AUH: variants seen among roughly 807,000 people sequenced by gnomAD.
The protein encoded by AUH is AU RNA binding methylglutaconyl-CoA hydratase.
A neutral mutation model predicts 42.3 loss-of-function variants in AUH; 29 were observed. The observed-to-expected ratio is 0.69, with a 90% CI of 0.51 to 0.93. The LOEUF (loss-of-function observed/expected upper bound fraction) is 0.93. Ranked by LOEUF, AUH falls within the 40% of genes least tolerant of loss-of-function variation. AUH has a pLI of 0.00. For synonymous variants in AUH, 174 were observed against 166.4 expected, an observed-to-expected ratio of 1.05 and a Z score of -0.35; for missense variants, 452 against 438.1, an observed-to-expected ratio of 1.03 and a Z score of -0.28.
intron 1 of AUH, among the ~76,000 whole-genome samples, 153 bp downstream of exon 1, chr9:91,361,475 G>A (rs1587942417): frequency 6.6e-6 from 1 of 152,192 alleles, no homozygotes; most frequent in South Asian, 2.1e-4. Flanking sequence ...GCCACGCTGG[G>A]TGAGTAGGGA....
intron 6 of AUH, among the ~76,000 whole-genome samples, chr9:91,286,608 C>T (rs909710070): frequency 4.0e-5 from 6 of 151,626 alleles, no homozygotes; most frequent in Non-Finnish European, 8.8e-5. Context: ...ATGAAACATG[C>T]AGCATTGACA....
At chr9:91,267,862 TTTCCATA>T (rs758542918) in intron 6 of AUH, among the ~76,000 whole-genome samples, 7 of 152,164 alleles carry the variant, frequency 4.6e-5, no homozygotes, top group Admixed American at 6.5e-5. Flanking sequence ...ACTACCACCT[TTTCCATA>T]TGAGTTGTTG....
chr9:91,306,224 C>G (rs1828210312), intron 4 of AUH: 1 of 406,864 alleles, frequency 2.5e-6, no homozygotes, highest in Admixed American at 6.4e-5. Flanking sequence ...TCCTTCCTAC[C>G]AAAATTCCAA....
chr9:91,289,559 T>A (rs1826689222), intron 6 of AUH, among the ~76,000 whole-genome samples: 1 of 152,166 alleles, frequency 6.6e-6, no homozygotes. Flanking sequence ...GAGAAAAAAA[T>A]TAAATACAGT....
intron 6 of AUH, among the ~76,000 whole-genome samples, chr9:91,273,804 T>C (rs567107405): frequency 6.6e-6 from 1 of 152,310 alleles, no homozygotes; most frequent in East Asian, 1.9e-4. Context: ...ACAAATTCAG[T>C]GGTTTGCATC....
At chr9:91,306,617 G>A (rs796839031) in intron 4 of AUH, among the ~76,000 whole-genome samples, 22 of 152,132 alleles carry the variant, frequency 1.4e-4, no homozygotes, top group African/African-American at 4.6e-4. Context: ...AGGTCCTATC[G>A]CAGACCCATC....
intron 3 of AUH, among the ~76,000 whole-genome samples, chr9:91,343,790 T>G (rs1831283842): frequency 6.6e-6 from 1 of 152,120 alleles, no homozygotes; most frequent in African/African-American, 2.4e-5. Context: ...AGTAAAAGGA[T>G]AAGGAATAAT....
intron 3 of AUH, among the ~76,000 whole-genome samples, chr9:91,334,316 T>C (rs1315467417): frequency 1.3e-5 from 2 of 152,208 alleles, no homozygotes; most frequent in Non-Finnish European, 2.9e-5. Flanking sequence ...GACTAGCATT[T>C]GAATTCGTGA....
intron 3 of AUH, among the ~76,000 whole-genome samples, chr9:91,343,600 C>T (rs934646252): frequency 7.9e-5 from 12 of 152,152 alleles, no homozygotes; most frequent in African/African-American, 2.4e-4. Context: ...CCCATCTCTA[C>T]TAAAAATACA....
At position 91,271,956 on chromosome 9, in the gene AUH, A is replaced by C. The variant is rs889978464; in HGVS notation, c.655+24065T>G. Reference sequence around the variant, plus strand: ...CTCGGCCTCCCAAAGTGCTGGGATTACAGGCATGAGCTACCGTACCCGGCC... The same window carrying C: ...CTCGGCCTCCCAAAGTGCTGGGATTCCAGGCATGAGCTACCGTACCCGGCC... On this transcript the variant is annotated intron_variant, in intron 6 of 9. Transcript: ENST00000375731. Among the ~76,000 whole-genome samples, 3 of 152,344 alleles carry C rather than the reference A, an allele frequency of 2.0e-5. No homozygotes were observed. In the East Asian group the frequency reaches 5.8e-4, roughly 29 times the overall value.
intron 7 of AUH, 32 bp downstream of exon 7, chr9:91,220,773 G>T: frequency 6.2e-7 from 1 of 1,610,434 alleles, no homozygotes; most frequent in South Asian, 1.1e-5. Flanking sequence ...TTCCTAAAAT[G>T]AGAAAAAATA....
At chr9:91,268,557 A>G (rs1295135187) in intron 6 of AUH, among the ~76,000 whole-genome samples, 2 of 151,968 alleles carry the variant, frequency 1.3e-5, no homozygotes, top group Non-Finnish European at 1.5e-5. Flanking sequence ...CAGCCTCCTG[A>G]GTAGCTGGGA....
At chr9:91,253,291 G>C (rs965131746) in intron 6 of AUH, among the ~76,000 whole-genome samples, 2 of 152,142 alleles carry the variant, frequency 1.3e-5, no homozygotes, top group African/African-American at 4.8e-5. Flanking sequence ...CAACTAACTA[G>C]AACTCTGGAA....
chr9:91,236,584 G>A (rs1417821073), intron 6 of AUH, among the ~76,000 whole-genome samples: 2 of 152,210 alleles, frequency 1.3e-5, no homozygotes, highest in Non-Finnish European at 2.9e-5. Context: ...GGTCTGAACA[G>A]AACTGGAAGG....
At chr9:91,355,786 T>C (rs1446016402) in intron 3 of AUH, 97 bp downstream of exon 3, 3 of 1,076,770 alleles carry the variant, frequency 2.8e-6, no homozygotes, top group East Asian at 2.5e-5. Context: ...TTGTTGGTAA[T>C]GGGGTTCAAA....
intron 6 of AUH, among the ~76,000 whole-genome samples, chr9:91,274,449 C>A (rs927421603): frequency 6.6e-6 from 1 of 152,154 alleles, no homozygotes; most frequent in Non-Finnish European, 1.5e-5. Context: ...TATTTCAATA[C>A]CTAAGGATGT....
chr9:91,275,333 A>G (rs1825456375), intron 6 of AUH, among the ~76,000 whole-genome samples: 1 of 152,258 alleles, frequency 6.6e-6, no homozygotes, highest in East Asian at 1.9e-4. Context: ...TATTTTCTCA[A>G]TCTCTTTTTG....
chr9:91,225,539 T>G (rs986738256), intron 6 of AUH, among the ~76,000 whole-genome samples: 12 of 151,020 alleles, frequency 7.9e-5, no homozygotes, highest in African/African-American at 2.9e-4. Context: ...GTGCCAGTTC[T>G]TTTTTTTTAT....
intron 6 of AUH, among the ~76,000 whole-genome samples, chr9:91,225,502 T>C (rs1466165131): frequency 6.6e-6 from 1 of 152,162 alleles, no homozygotes; most frequent in East Asian, 1.9e-4. Flanking sequence ...CTAGTTCCCT[T>C]AGGCATCTGA....
Sources: allele counts gnomAD v4.1 joint callset (sites outside exome capture counted in the v4.1 genomes callset), GRCh38; gene constraint gnomAD v4.1.1; transcripts MANE v1.5; gene names NCBI Gene and HGNC (gene_info 2026-07-23, HGNC 2026-07-21).